MEOX2: variants seen among roughly 807,000 people sequenced by gnomAD.
MEOX2 encodes homeobox protein MOX-2.
A neutral mutation model predicts 27.0 loss-of-function variants in MEOX2; 11 were observed. The ratio of observed to expected loss-of-function variants is 0.41; its 90% confidence interval spans 0.26 to 0.68. The LOEUF is 0.68. Among genes scored for constraint, MEOX2 ranks in the 30% least tolerant of loss-of-function variants. The probability of loss-of-function intolerance (pLI) is 0.33; values close to 1 mark genes in which losing one functional copy is unlikely to be tolerated. For synonymous variants in MEOX2, 189 were observed against 155.4 expected, an observed-to-expected ratio of 1.22 and a Z score of -1.61; for missense variants, 436 against 385.4, an observed-to-expected ratio of 1.13 and a Z score of -1.10.
At chr7:15,646,907 T>G (rs989532742) in intron 1 of MEOX2, among the ~76,000 whole-genome samples, 1 of 152,014 alleles carries the variant, frequency 6.6e-6, no homozygotes, top group Non-Finnish European at 1.5e-5. Flanking sequence ...GTTTAAGTGC[T>G]TATGTCAAAA....
intron 1 of MEOX2, among the ~76,000 whole-genome samples, chr7:15,641,626 T>C (rs762309963): frequency 2.1e-4 from 32 of 152,178 alleles, no homozygotes; most frequent in Non-Finnish European, 3.1e-4. Context: ...AAGGTTCATA[T>C]TGATATGGGA....
intron 1 of MEOX2, among the ~76,000 whole-genome samples, chr7:15,675,609 C>T (rs1782180565): frequency 6.6e-6 from 1 of 152,178 alleles, no homozygotes. Context: ...GGGCACATTC[C>T]CTCATCTAGG....
chr7:15,672,779 C>T (rs909722496), intron 1 of MEOX2, among the ~76,000 whole-genome samples: 5 of 151,624 alleles, frequency 3.3e-5, no homozygotes, highest in African/African-American at 1.2e-4. Context: ...GTAGTCCCAG[C>T]TACTTGGGAG....
intron 2 of MEOX2, among the ~76,000 whole-genome samples, chr7:15,625,734 A>C (rs1266811536): frequency 6.6e-6 from 1 of 152,224 alleles, no homozygotes; most frequent in Non-Finnish European, 1.5e-5. Flanking sequence ...TGTAAAGATT[A>C]GCAACTGTTA....
intron 1 of MEOX2, among the ~76,000 whole-genome samples, chr7:15,650,433 G>A (rs571004222): frequency 6.6e-6 from 1 of 151,994 alleles, no homozygotes; most frequent in East Asian, 1.9e-4. Flanking sequence ...TACCTTCTAG[G>A]TACCTTTCAA....
Position 15,626,926 on chromosome 7 carries a change from A to C in MEOX2, c.518-8T>G, listed in dbSNP as rs759063285. On this transcript the variant is annotated splice_polypyrimidine_tract_variant and splice_region_variant and intron_variant, in intron 1 of 2. Coordinates refer to ENST00000262041, the MANE Select transcript of MEOX2 (RefSeq NM_005924.5). Reference sequence around the variant, plus strand: ...AATTTCCTTCCTGGGAGTCTGAAAAAAAAGGGAGACAGAATTGGTAATAAC... The same window carrying C: ...AATTTCCTTCCTGGGAGTCTGAAAACAAAGGGAGACAGAATTGGTAATAAC... The C allele has an allele frequency of 4.3e-6, 7 of 1,611,666 alleles. No homozygotes were observed. Among genetic ancestry groups the C allele is most frequent in the Non-Finnish European group, 5.9e-6 (7 of 1,178,708 alleles).
intron 2 of MEOX2, among the ~76,000 whole-genome samples, chr7:15,623,652 C>T (rs1055503051): frequency 2.0e-5 from 3 of 152,266 alleles, no homozygotes; most frequent in African/African-American, 7.2e-5. Context: ...CAAGTACAGG[C>T]TTGAGCTACC....
chr7:15,623,869 T>A (rs1017167380), intron 2 of MEOX2, among the ~76,000 whole-genome samples: 10 of 152,262 alleles, frequency 6.6e-5, no homozygotes, highest in Non-Finnish European at 1.3e-4. Flanking sequence ...TTCTATGAAT[T>A]CTAACAGGTA....
intron 1 of MEOX2, among the ~76,000 whole-genome samples, chr7:15,671,944 T>G (rs1053809728): frequency 2.0e-5 from 3 of 151,910 alleles, no homozygotes; most frequent in African/African-American, 7.3e-5. Flanking sequence ...AATACAAAAA[T>G]TAGCCAGGCA....
rs1244036372 is a variant in MEOX2, at chr7:15,685,876, G to T, written c.517+10C>A. On this transcript the variant is annotated intron_variant, in intron 1 of 2. Transcript: ENST00000262041. The stretch of plus-strand genomic sequence containing the variant: ...GCGCGCACTCTCGAGGGTGCCTGGC[G>T]CGCCCTTACCTGAGCTGTCGCTTTT... The T allele has an allele frequency of 1.9e-6, 3 of 1,575,552 alleles. No individual in the cohort carries two copies.
chr7:15,622,601 A>T (rs528210959), intron 2 of MEOX2, among the ~76,000 whole-genome samples: 3 of 152,214 alleles, frequency 2.0e-5, no homozygotes, highest in Admixed American at 6.5e-5. Flanking sequence ...TGAAAAGACA[A>T]CATATCTATA....
intron 1 of MEOX2, among the ~76,000 whole-genome samples, chr7:15,658,988 AT>A (rs1420616428): frequency 6.6e-6 from 1 of 152,140 alleles, no homozygotes; most frequent in Non-Finnish European, 1.5e-5. Flanking sequence ...TTTACATATA[AT>A]GTCCAATGAG....
In MEOX2 at chr7:15,612,497, G is replaced by C. The variant is rs1230563691; in HGVS notation, c.805C>G (p.Pro269Ala). The C allele has an allele frequency of 6.2e-7, 1 of 1,614,008 alleles. No homozygotes were observed. The highest frequency in any genetic ancestry group is 8.5e-7 in the Non-Finnish European group (1 of 1,180,022). Residue 269 changes from proline (P) to alanine (A), a missense_variant, in exon 3 of 3, where the codon CCA becomes GCA. Pro to Ala is a conservative substitution (Grantham distance 27). Transcript: ENST00000262041. ...LVNVKKGTLL[P>A]SELSGIGAAT... ...GCACCAATTCCCGACAGCTCTGATG[G>C]GAGAAGTGTTCCCTTTTTCACATTC... is the stretch of plus-strand genomic sequence containing the variant.
intron 1 of MEOX2, among the ~76,000 whole-genome samples, chr7:15,645,063 G>T (rs566913046): frequency 7.0e-4 from 107 of 152,268 alleles, no homozygotes; most frequent in Non-Finnish European, 1.3e-3. Context: ...AAAGAAAGAA[G>T]ATTAAGGTAA....
intron 1 of MEOX2, chr7:15,680,569 C>T (rs1782277227): frequency 6.6e-6 from 1 of 151,900 alleles, no homozygotes; most frequent in Non-Finnish European, 1.5e-5. Context: ...CTTTACTTTA[C>T]ACCGTTACTC....
chr7:15,618,311 A>G (rs1379489839), intron 2 of MEOX2, among the ~76,000 whole-genome samples: 1 of 152,108 alleles, frequency 6.6e-6, no homozygotes, highest in African/African-American at 2.4e-5. Flanking sequence ...ATAAAAGACT[A>G]TATCAAATTT....
intron 1 of MEOX2, among the ~76,000 whole-genome samples, chr7:15,652,752 T>G (rs55713374): frequency 0.024 from 3,724 of 152,060 alleles, 152 homozygotes; most frequent in African/African-American, 0.085. Context: ...AATGACTTTT[T>G]TCACTCACCA....
At chr7:15,621,317 A>C (rs1197792500) in intron 2 of MEOX2, among the ~76,000 whole-genome samples, 1 of 152,218 alleles carries the variant, frequency 6.6e-6, no homozygotes, top group Non-Finnish European at 1.5e-5. Context: ...GCTTCATTCT[A>C]GTTTCTGCAT....
At position 15,626,316 on chromosome 7, in the gene MEOX2, C is replaced by T. The variant is rs530176231; in HGVS notation, c.690+430G>A. ...AGTAATGAACATTTTTATGTTATGC[C>T]ATTGAGATTTGAGGGTGAATGTGTT... On this transcript the variant is annotated intron_variant, in intron 2 of 2. Coordinates refer to ENST00000262041, the MANE Select transcript of MEOX2 (RefSeq NM_005924.5). 2.6e-5 allele frequency among the ~76,000 whole-genome samples: 4 copies of T among 152,000 alleles called. No individual in the cohort carries two copies. The East Asian group carries it at 7.8e-4, about 29-fold the overall frequency.
Sources: allele counts gnomAD v4.1 joint callset (sites outside exome capture counted in the v4.1 genomes callset), GRCh38; gene constraint gnomAD v4.1.1; transcripts MANE v1.5; gene names NCBI Gene and HGNC (gene_info 2026-07-23, HGNC 2026-07-21).